LHCGR: variants seen among roughly 807,000 people sequenced by gnomAD.
LHCGR encodes the protein lutropin-choriogonadotropic hormone receptor.
In LHCGR, 55 loss-of-function variants were observed where a neutral mutation model predicts 60.7. That is an observed-to-expected ratio of 0.91 (90% CI 0.73 to 1.13). The LOEUF is 1.13. Ranked by LOEUF, LHCGR falls within the 50% of genes most tolerant of loss-of-function variation. LHCGR has a pLI of 0.00. For missense variants in LHCGR, 862 were observed against 836.0 expected, an observed-to-expected ratio of 1.03 and a Z score of -0.38; for synonymous variants, 337 against 316.5, an observed-to-expected ratio of 1.06 and a Z score of -0.69.
Position 48,704,003 on chromosome 2 carries a change from G to C in LHCGR, c.680+4945C>G, listed in dbSNP as rs1037827108. On this transcript the variant is annotated intron_variant, in intron 8 of 10. Transcript: ENST00000294954. ...GAATGCTTCCAGTTTTTGCCCATTTGGTATGATATTGGCTGTGGGTTTGTC... is the reference window on the plus strand; with the variant it reads ...GAATGCTTCCAGTTTTTGCCCATTTCGTATGATATTGGCTGTGGGTTTGTC... 2.7e-4 allele frequency among the ~76,000 whole-genome samples: 41 copies of C among 152,040 alleles called. 1 individual carries two copies. The highest frequency in any genetic ancestry group is 2.6e-3 in the Admixed American group (40 of 15,264).
chr2:48,722,031 T>C (rs909377535), intron 6 of LHCGR, among the ~76,000 whole-genome samples: 5 of 152,184 alleles, frequency 3.3e-5, no homozygotes, highest in Non-Finnish European at 7.3e-5. Context: ...ACGCCTGTAG[T>C]CCCAGCTACT....
chr2:48,688,185 C>G lies in LHCGR; in HGVS notation c.1612G>C (p.Ala538Pro), dbSNP rs1680002012. The change falls in exon 11 of 11, where the codon GCC becomes CCC. Residue 538 changes from alanine to proline, a missense_variant. By Grantham distance (27) the Ala-to-Pro change is conservative (BLOSUM62 -1). Coordinates refer to ENST00000294954, the MANE Select transcript of LHCGR (RefSeq NM_000233.4). This position sits in a 1 kb window ranked among gnomAD's most constrained non-coding sequence, Gnocchi z 5.2. Reference protein sequence around the residue: ...ILTILILNVVAFFIICACYIK... With the variant: ...ILTILILNVVPFFIICACYIK... ...TAGCAAGCACAAATTATGAAGAAGG[C>G]CACCACATTGAGAATCAGGATGGTT... 45 of 1,613,938 alleles carry G rather than the reference C, an allele frequency of 2.8e-5. No homozygotes were observed. The highest frequency in any genetic ancestry group is 3.8e-5 in the Non-Finnish European group (45 of 1,180,006).
intron 10 of LHCGR, among the ~76,000 whole-genome samples, chr2:48,691,229 T>C (rs1680216081): frequency 6.6e-6 from 1 of 152,212 alleles, no homozygotes; most frequent in African/African-American, 2.4e-5. Flanking sequence ...TGTTTTGTAT[T>C]TTAAGTGCAT....
chr2:48,703,519 A>G (rs1335062565), intron 8 of LHCGR, among the ~76,000 whole-genome samples: 1 of 152,112 alleles, frequency 6.6e-6, no homozygotes, highest in Non-Finnish European at 1.5e-5. Context: ...GACACCATTT[A>G]TTAAATGGGG....
intron 1 of LHCGR, among the ~76,000 whole-genome samples, chr2:48,733,520 G>A (rs1305572518): frequency 6.6e-6 from 1 of 152,188 alleles, no homozygotes. Flanking sequence ...TGATGCTGCA[G>A]AGCAGGAAAG....
intron 4 of LHCGR, 59 bp downstream of exon 4, chr2:48,725,617 G>T (rs142588282): frequency 3.4e-6 from 4 of 1,182,558 alleles, no homozygotes; most frequent in Non-Finnish European, 5.1e-6. Flanking sequence ...TCCTTGTTTT[G>T]ATTTTCATCA....
Position 48,752,981 on chromosome 2 carries a change from C to CGGGGG in LHCGR, c.161+2525_161+2529dup, listed in dbSNP as rs60837194. On this transcript the variant is annotated intron_variant, in intron 1 of 10. Transcript: ENST00000294954. Reference sequence around the variant, plus strand: ...AAATAGGTGTTATGCCGGATTTTGGCGGGGGGGGGGGGGGGTGGGGAAGGG... The same window carrying CGGGGG: ...AAATAGGTGTTATGCCGGATTTTGGCGGGGGGGGGGGGGGGGGGGGTGGGGAAGGG... Among the ~76,000 whole-genome samples the CGGGGG allele has an allele frequency of 2.2e-3, 17 of 7,588 alleles. 1 individual carries two copies. The highest frequency in any genetic ancestry group is 4.1e-3 in the African/African-American group (5 of 1,218). The allele number at this position is 7,588 out of a possible 152,430, so 5.0% of individuals were successfully genotyped here.
At chr2:48,698,588 A>T in intron 9 of LHCGR, 27 bp downstream of exon 9, 1 of 1,587,982 alleles carries the variant, frequency 6.3e-7, no homozygotes, top group Non-Finnish European at 8.6e-7. Context: ...CAGCTTGGGT[A>T]GGCTTTACCT....
intron 7 of LHCGR, among the ~76,000 whole-genome samples, chr2:48,709,430 C>CA (rs1256423127): frequency 3.9e-5 from 6 of 152,324 alleles, no homozygotes; most frequent in African/African-American, 1.4e-4. Flanking sequence ...GTGGAGGTCT[C>CA]AGAGTGTGCT....
At chr2:48,724,586 C>T (rs560528545) in intron 4 of LHCGR, among the ~76,000 whole-genome samples, 183 of 152,162 alleles carry the variant, frequency 1.2e-3, no homozygotes, top group African/African-American at 4.1e-3. Context: ...GCAACGTGTA[C>T]TTGGGTTGGG....
rs749628789 is a variant in LHCGR at position 48,709,058 on chromosome 2, A to C, written c.606-36T>G. The C allele has an allele frequency of 4.6e-6, 7 of 1,528,474 alleles. No individual in the cohort carries two copies. In the Admixed American group the frequency reaches 8.3e-5, roughly 18 times the overall value. 94.7% of individuals were successfully genotyped at this position (1,528,474 alleles called of 1,614,324 possible). On this transcript the variant is annotated intron_variant, in intron 7 of 10. Coordinates refer to ENST00000294954, the MANE Select transcript of LHCGR (RefSeq NM_000233.4). ...GGATATTGCCCTTAGTGGAGTTTGT[A>C]CCTCATGTGTAAGCATTCGTAGCTC...
At chr2:48,717,196 A>T (rs553273645) in intron 6 of LHCGR, among the ~76,000 whole-genome samples, 90 of 152,340 alleles carry the variant, frequency 5.9e-4, no homozygotes, top group African/African-American at 2.0e-3. Flanking sequence ...CAAAGCTGCT[A>T]ACAGTTGTCT....
chr2:48,737,753 C>A lies in LHCGR; in HGVS notation c.162-6455G>T, dbSNP rs143772891. ...TTACACCAGAAAACTTTGGAACAGT[C>A]TTTAAAAATACATCCAGGTGGTTTT... On this transcript the variant is annotated intron_variant, in intron 1 of 10. Coordinates refer to ENST00000294954, the MANE Select transcript of LHCGR (RefSeq NM_000233.4). Among the ~76,000 whole-genome samples the A allele has an allele frequency of 7.2e-5, 11 of 152,330 alleles. No homozygotes were observed. The East Asian group carries it at 1.9e-3, about 27-fold the overall frequency.
intron 7 of LHCGR, among the ~76,000 whole-genome samples, chr2:48,710,737 C>T (rs1667944242): frequency 6.6e-6 from 1 of 152,152 alleles, no homozygotes; most frequent in Non-Finnish European, 1.5e-5. Context: ...TGCGGCTGCC[C>T]CTGTCTTTCC....
intron 8 of LHCGR, among the ~76,000 whole-genome samples, chr2:48,707,484 T>C (rs7578785): frequency 0.25 from 37,501 of 152,248 alleles, 4,963 homozygotes; most frequent in Middle Eastern, 0.34. Flanking sequence ...TCTGCAGAAG[T>C]TGTGCCCACA....
intron 1 of LHCGR, among the ~76,000 whole-genome samples, chr2:48,737,842 G>A (rs1283360214): frequency 6.6e-6 from 1 of 152,216 alleles, no homozygotes; most frequent in African/African-American, 2.4e-5. Context: ...TGAAAGGGTT[G>A]CTTACAAGTC....
At chr2:48,753,005 G>T (rs755207787) in intron 1 of LHCGR, among the ~76,000 whole-genome samples, 6 of 143,098 alleles carry the variant, frequency 4.2e-5, no homozygotes, top group Middle Eastern at 7.1e-3. Context: ...GGTGGGGAAG[G>T]GAAGTGTATG....
chr2:48,688,692 T>G lies in LHCGR; in HGVS notation c.1105A>C (p.Ile369Leu). ...TTTCCCATGATGGCTAGAATATTAATCAGCCAAATCAGGACCCTAAGGAAG... is the reference window on the plus strand; with the variant it reads ...TTTCCCATGATGGCTAGAATATTAAGCAGCCAAATCAGGACCCTAAGGAAG... ...YDFLRVLIWL[I>L]NILAIMGNMT... The change falls in exon 11 of 11, where the codon ATT (isoleucine) becomes CTT (leucine). Residue 369 changes from isoleucine (I) to leucine (L), a missense_variant. By Grantham distance (5) the Ile-to-Leu change is conservative. Transcript: ENST00000294954. The surrounding 1 kb of genome is among the most constrained non-coding windows in gnomAD (Gnocchi z 5.2). 1.9e-6 allele frequency: 3 copies of G among 1,614,136 alleles called. No homozygotes were observed. Among genetic ancestry groups the G allele is most frequent in the Non-Finnish European group, 2.5e-6 (3 of 1,180,006 alleles).
intron 1 of LHCGR, among the ~76,000 whole-genome samples, chr2:48,739,393 C>A (rs1558886842): frequency 1.3e-5 from 2 of 152,176 alleles, no homozygotes; most frequent in Non-Finnish European, 1.5e-5. Context: ...TTCACAATAG[C>A]AAAGACTTGG....
Sources: allele counts gnomAD v4.1 joint callset (sites outside exome capture counted in the v4.1 genomes callset), GRCh38; gene constraint gnomAD v4.1.1; non-coding constraint Gnocchi (gnomAD v3.1); transcripts MANE v1.5; gene names NCBI Gene and HGNC (gene_info 2026-07-23, HGNC 2026-07-21).